The following ZNF438 variants were observed in gnomAD, a reference collection of about 807,000 sequenced individuals.
The protein encoded by ZNF438 is zinc finger protein 438.
ZNF438 carries 25 observed loss-of-function variants against 38.0 expected under a neutral mutation model. That is an observed-to-expected ratio of 0.66 (90% CI 0.48 to 0.92). The LOEUF (loss-of-function observed/expected upper bound fraction) is 0.92, where lower values mean the gene tolerates loss of function less well. Among genes scored for constraint, ZNF438 ranks in the 40% least tolerant of loss-of-function variants. ZNF438 has a pLI of 0.00. For synonymous variants in ZNF438, 372 were observed against 364.1 expected (o/e 1.02, Z -0.25); for missense variants, 1,007 against 999.6 (o/e 1.01, Z -0.10).
intron 1 of ZNF438, among the ~76,000 whole-genome samples, chr10:31,024,649 G>A (rs926296992): frequency 7.2e-5 from 11 of 151,920 alleles, no homozygotes; most frequent in African/African-American, 2.2e-4. Flanking sequence ...AAGATTCCTA[G>A]GTATAAAGTT....
chr10:30,931,534 C>A (rs2045697042), intron 2 of ZNF438, among the ~76,000 whole-genome samples: 1 of 152,130 alleles, frequency 6.6e-6, no homozygotes, highest in Admixed American at 6.5e-5. Context: ...TTCTTTTATT[C>A]CAATAAAATC....
intron 2 of ZNF438, among the ~76,000 whole-genome samples, chr10:30,937,448 T>G (rs1472029773): frequency 6.6e-6 from 1 of 152,222 alleles, no homozygotes; most frequent in African/African-American, 2.4e-5. Flanking sequence ...GTTGTGTTAT[T>G]GCATATGTGG....
Position 30,951,637 on chromosome 10 carries a change from C to T in ZNF438, c.-191-9986G>A, listed in dbSNP as rs1396550161. Among the ~76,000 whole-genome samples, 14 of 152,202 alleles carry T rather than the reference C, an allele frequency of 9.2e-5. No homozygotes were observed. The East Asian group carries it at 2.1e-3, about 23-fold the overall frequency. On this transcript the variant is annotated intron_variant, in intron 1 of 5. Transcript: ENST00000413025. Reference sequence around the variant, plus strand: ...AACAGAGAGCCAAATCATGAGTGAACGCCCATTCACAATTGCTTCAAAGAG... The same window carrying T: ...AACAGAGAGCCAAATCATGAGTGAATGCCCATTCACAATTGCTTCAAAGAG...
intron 3 of ZNF438, among the ~76,000 whole-genome samples, chr10:30,888,935 T>C (rs1425341966): frequency 2.0e-5 from 3 of 152,238 alleles, no homozygotes; most frequent in Non-Finnish European, 2.9e-5. Context: ...TTTTAGGTCT[T>C]TGAGGAATCA....
At chr10:30,983,667 C>G (rs1232317267) in intron 1 of ZNF438, among the ~76,000 whole-genome samples, 1 of 152,098 alleles carries the variant, frequency 6.6e-6, no homozygotes, top group Non-Finnish European at 1.5e-5. Context: ...AAAATGAAAC[C>G]TATAGCCATG....
intron 1 of ZNF438, among the ~76,000 whole-genome samples, chr10:30,955,692 G>A (rs558244293): frequency 6.6e-6 from 1 of 152,282 alleles, no homozygotes; most frequent in East Asian, 1.9e-4. Context: ...TCACCAAGCT[G>A]GGACCTGCCT....
At chr10:30,979,747 T>C (rs1266289332) in intron 1 of ZNF438, among the ~76,000 whole-genome samples, 1 of 152,192 alleles carries the variant, frequency 6.6e-6, no homozygotes, top group Non-Finnish European at 1.5e-5. Context: ...CCACTATTAT[T>C]GTGTGGGAGT....
At chr10:30,911,536 T>C (rs1172632731) in intron 2 of ZNF438, among the ~76,000 whole-genome samples, 1 of 152,118 alleles carries the variant, frequency 6.6e-6, no homozygotes, top group African/African-American at 2.4e-5. Flanking sequence ...AATGGACACA[T>C]ACAATACAAA....
exon 5 of ZNF438, chr10:30,848,632 C>G: frequency 6.2e-7 from 1 of 1,614,194 alleles, no homozygotes; most frequent in Non-Finnish European, 8.5e-7. Flanking sequence ...TGATCACAAC[C>G]CTATGCACTT....
At chr10:30,866,588 A>T (rs1485479495) in intron 4 of ZNF438, among the ~76,000 whole-genome samples, 1 of 152,194 alleles carries the variant, frequency 6.6e-6, no homozygotes, top group Non-Finnish European at 1.5e-5. Context: ...TAATCCCAGC[A>T]CTTTGGGAGG....
chr10:30,948,775 T>G (rs2047773783), intron 1 of ZNF438, among the ~76,000 whole-genome samples: 2 of 151,346 alleles, frequency 1.3e-5, no homozygotes. Flanking sequence ...TACATCTGAT[T>G]GGTGTACCTG....
chr10:30,914,813 T>C (rs887398931), intron 2 of ZNF438, among the ~76,000 whole-genome samples: 3 of 151,670 alleles, frequency 2.0e-5, no homozygotes, highest in African/African-American at 7.3e-5. Context: ...GAGGTTGTAA[T>C]GAACACAATA....
At chr10:30,856,073 A>C (rs1481025823) in intron 4 of ZNF438, among the ~76,000 whole-genome samples, 1 of 152,214 alleles carries the variant, frequency 6.6e-6, no homozygotes, top group African/African-American at 2.4e-5. Flanking sequence ...GATATTTGTG[A>C]TGAGTGTGTG....
chr10:31,013,631 G>T (rs1400053964), intron 1 of ZNF438, among the ~76,000 whole-genome samples: 1 of 152,128 alleles, frequency 6.6e-6, no homozygotes, highest in African/African-American at 2.4e-5. Flanking sequence ...CCAGGAAGAT[G>T]CAGGAAAGAA....
At chr10:31,015,233 ATTG>A (rs1297421196) in intron 1 of ZNF438, among the ~76,000 whole-genome samples, 2 of 152,168 alleles carry the variant, frequency 1.3e-5, no homozygotes, top group Non-Finnish European at 2.9e-5. Context: ...GCTGATTGCC[ATTG>A]TTATTACTAT....
chr10:30,930,050 C>T (rs560445993), intron 2 of ZNF438, among the ~76,000 whole-genome samples: 6 of 152,288 alleles, frequency 3.9e-5, no homozygotes, highest in Admixed American at 1.3e-4. Context: ...GCCAGTCCCG[C>T]GCCCACACTC....
At chr10:30,921,367 T>C (rs1322700405) in intron 2 of ZNF438, 2 of 152,244 alleles carry the variant, frequency 1.3e-5, no homozygotes, top group Non-Finnish European at 2.9e-5. Flanking sequence ...TATTGACTTA[T>C]AGTTGAAGGA....
chr10:30,995,061 A>G (rs572402329), intron 1 of ZNF438, among the ~76,000 whole-genome samples: 1 of 151,802 alleles, frequency 6.6e-6, no homozygotes, highest in East Asian at 1.9e-4. Flanking sequence ...AAAATGAATG[A>G]AAAAGAACAA....
At chr10:30,981,044 T>C (rs1284285004) in intron 1 of ZNF438, among the ~76,000 whole-genome samples, 1 of 152,202 alleles carries the variant, frequency 6.6e-6, no homozygotes, top group Non-Finnish European at 1.5e-5. Context: ...AGTTTCTGGA[T>C]CAAAGTTTTC....
Sources: allele counts gnomAD v4.1 joint callset (sites outside exome capture counted in the v4.1 genomes callset), GRCh38; gene constraint gnomAD v4.1.1; transcripts MANE v1.5; gene names NCBI Gene and HGNC (gene_info 2026-07-23, HGNC 2026-07-21).